Variants in OAT observed in about 807,000 individuals in gnomAD.
OAT encodes the protein ornithine aminotransferase, also known as ornithine aminotransferase, mitochondrial.
In OAT, 35 loss-of-function variants were observed where a neutral mutation model predicts 48.4. The ratio of observed to expected loss-of-function variants is 0.72; its 90% confidence interval spans 0.55 to 0.96. OAT has a LOEUF of 0.96. Among genes scored for constraint, OAT ranks in the 40% least tolerant of loss-of-function variants. The probability of loss-of-function intolerance (pLI) is 0.00; values close to 1 mark genes in which losing one functional copy is unlikely to be tolerated. For missense variants in OAT, 438 were observed against 537.9 expected, an observed-to-expected ratio of 0.81 and a Z score of 1.84; for synonymous variants, 182 against 198.4, an observed-to-expected ratio of 0.92 and a Z score of 0.70.
intron 1 of OAT, chr10:124,415,020 C>T (rs1264828883): frequency 1.5e-5 from 2 of 133,326 alleles, no homozygotes; most frequent in Non-Finnish European, 3.1e-5. Context: ...GAGTTCTGGG[C>T]TGCAGTGAGC....
At chr10:124,415,681 G>A (rs12248811) in intron 1 of OAT, among the ~76,000 whole-genome samples, 4 of 152,166 alleles carry the variant, frequency 2.6e-5, no homozygotes, top group Non-Finnish European at 4.4e-5. Context: ...GGAAAATCCC[G>A]AGTTTGGAGA....
At chr10:124,407,878 G>A (rs574025680) in intron 4 of OAT, among the ~76,000 whole-genome samples, 2 of 152,140 alleles carry the variant, frequency 1.3e-5, no homozygotes, top group South Asian at 2.1e-4. Flanking sequence ...AACCTAACAA[G>A]GGCAACTCCA....
chr10:124,412,907 G>T (rs1052361459), intron 1 of OAT, among the ~76,000 whole-genome samples: 2 of 152,162 alleles, frequency 1.3e-5, no homozygotes, highest in Admixed American at 1.3e-4. Flanking sequence ...GATACCATCA[G>T]GCACAATGCT....
chr10:124,404,680 C>A (rs1047508318), intron 5 of OAT, among the ~76,000 whole-genome samples: 2 of 152,190 alleles, frequency 1.3e-5, no homozygotes, highest in African/African-American at 2.4e-5. Flanking sequence ...CCAGCCCTGG[C>A]CTCCCAAAGC....
At chr10:124,412,808 A>T (rs759640674) in intron 1 of OAT, among the ~76,000 whole-genome samples, 9 of 152,320 alleles carry the variant, frequency 5.9e-5, no homozygotes, top group African/African-American at 1.9e-4. Context: ...CCAATCAATA[A>T]GAGTAAGACT....
chr10:124,402,368 G>T (rs948494836), intron 7 of OAT, among the ~76,000 whole-genome samples: 1 of 152,180 alleles, frequency 6.6e-6, no homozygotes, highest in Non-Finnish European at 1.5e-5. Context: ...AGCTATTTCT[G>T]CAATGATATA....
intron 2 of OAT, among the ~76,000 whole-genome samples, chr10:124,409,921 AG>A (rs1267402530): frequency 6.6e-6 from 1 of 152,242 alleles, no homozygotes; most frequent in African/African-American, 2.4e-5. Context: ...ACTTTTGACA[AG>A]GATCTGAAGA....
At chr10:124,418,299 G>T (rs1951982832) in intron 1 of OAT, 1 of 152,290 alleles carries the variant, frequency 6.6e-6, no homozygotes, top group African/African-American at 2.4e-5. Context: ...GGAGGACCCA[G>T]CCCTCCAAGG....
rs1951762008 is a variant in OAT at position 124,411,834 on chromosome 10, A to C, written c.199+139T>G. 4.5e-6 allele frequency: 3 copies of C among 673,628 alleles called. No homozygotes were observed. In the East Asian group the frequency reaches 9.1e-5, roughly 21 times the overall value. The allele number at this position is 673,628 out of a possible 1,614,324, so 41.7% of individuals were successfully genotyped here. On this transcript the variant is annotated intron_variant, in intron 2 of 9. Transcript: ENST00000368845. ...CCGTCTCAAAAAAAAAAAAAAAAAA[A>C]GAAGAAGAAGAATTAACCATGTCTG...
intron 7 of OAT, among the ~76,000 whole-genome samples, chr10:124,402,515 C>A (rs1028333194): frequency 4.6e-5 from 7 of 152,192 alleles, no homozygotes; most frequent in African/African-American, 1.7e-4. Context: ...GATGTAGTAA[C>A]AATTACTGGC....
At chr10:124,401,257 T>C (rs1453509973) in intron 8 of OAT, among the ~76,000 whole-genome samples, 1 of 152,248 alleles carries the variant, frequency 6.6e-6, no homozygotes, top group Non-Finnish European at 1.5e-5. Flanking sequence ...ATTAATTGAA[T>C]ACATCAATGG....
chr10:124,399,402 G>A (rs1241640848), intron 9 of OAT, among the ~76,000 whole-genome samples: 1 of 141,196 alleles, frequency 7.1e-6, no homozygotes, highest in Non-Finnish European at 1.5e-5. Context: ...CTGGAGTGCA[G>A]CGGCGCAATC....
rs1951457358 is a variant in OAT at position 124,403,007 on chromosome 10, T to C, written c.820A>G (p.Arg274Gly). ...TTTTCATAATCAACAGCCAGCCATC[T>C]ACCAGTTCTGGCCAATCCTGTCTGT... ...EIQTGLARTG[R>G]WLAVDYENVR... The change falls in exon 7 of 10, where the codon AGA becomes GGA. Residue 274 changes from arginine to glycine, a missense_variant. By Grantham distance (125) the Arg-to-Gly change is moderately radical. Coordinates refer to ENST00000368845, the MANE Select transcript of OAT (RefSeq NM_000274.4). The C allele has an allele frequency of 6.2e-7, 1 of 1,614,028 alleles. No homozygotes were observed. Among genetic ancestry groups the C allele is most frequent in the African/African-American group, 1.3e-5 (1 of 74,932 alleles).
At chr10:124,410,999 A>G (rs777839591) in intron 2 of OAT, among the ~76,000 whole-genome samples, 1 of 151,276 alleles carries the variant, frequency 6.6e-6, no homozygotes, top group Non-Finnish European at 1.5e-5. Context: ...AATTAGCTGG[A>G]CGTGGTGGCG....
At chr10:124,409,486 G>A (rs1230538052) in intron 2 of OAT, among the ~76,000 whole-genome samples, 1 of 152,054 alleles carries the variant, frequency 6.6e-6, no homozygotes, top group Admixed American at 6.6e-5. Flanking sequence ...GGGAGGTAGA[G>A]GATGCAGTGA....
chr10:124,413,050 A>G (rs1266204752), intron 1 of OAT, among the ~76,000 whole-genome samples: 1 of 152,016 alleles, frequency 6.6e-6, no homozygotes, highest in African/African-American at 2.4e-5. Context: ...TCCGCCCACC[A>G]CGGCCTCCCA....
intron 1 of OAT, among the ~76,000 whole-genome samples, chr10:124,417,223 G>T (rs921147943): frequency 7.6e-6 from 1 of 131,848 alleles, no homozygotes; most frequent in African/African-American, 2.5e-5. Flanking sequence ...TTTTTCTTTG[G>T]GGGGGGGATG....
At position 124,408,593 on chromosome 10, in the gene OAT, C is replaced by T. The variant is rs1394948244; in HGVS notation, c.469G>A (p.Gly157Ser). 1.2e-6 allele frequency: 2 copies of T among 1,612,736 alleles called. No individual in the cohort carries two copies. Among genetic ancestry groups the T allele is most frequent in the Non-Finnish European group, 1.7e-6 (2 of 1,179,850 alleles). The stretch of plus-strand genomic sequence containing the variant: ...TTCTGAATGCCCTTCACGGTATAGC[C>T]CCACTTACGAGCTAGTTTACAGGCA... ...ETACKLARKW[G>S]YTVKGIQKYK... Residue 157 changes from glycine (G) to serine (S), a missense_variant, in exon 4 of 10, where the codon GGC (glycine) becomes AGC (serine). Transcript: ENST00000368845.
In OAT at chr10:124,397,808, G is replaced by A; in HGVS notation, c.*134C>T. ...AACGTTGTTCTATTATGTATCAACTGAAAAAAATATATTCAAAAAAAAAGT... is the reference window on the plus strand; with the variant it reads ...AACGTTGTTCTATTATGTATCAACTAAAAAAAATATATTCAAAAAAAAAGT... On this transcript the variant is annotated 3_prime_UTR_variant, in exon 10 of 10. Coordinates refer to ENST00000368845, the MANE Select transcript of OAT (RefSeq NM_000274.4). 1.0e-6 allele frequency: 1 copy of A among 965,314 alleles called. No individual in the cohort carries two copies. The highest frequency in any genetic ancestry group is 1.6e-6 in the Non-Finnish European group (1 of 626,280). The allele number at this position is 965,314 out of a possible 1,614,324, so 59.8% of individuals were successfully genotyped here.
Sources: gnomAD v4.1 joint callset for allele counts (sites outside exome capture counted in the v4.1 genomes callset) on GRCh38, gnomAD v4.1.1 for gene constraint, MANE v1.5 for transcripts, NCBI Gene and HGNC (gene_info 2026-07-23, HGNC 2026-07-21) for gene names.